ATP10A: variants seen among roughly 807,000 people sequenced by gnomAD.
ATP10A encodes ATPase phospholipid transporting 10A (putative), also known as phospholipid-transporting ATPase VA.
ATP10A carries 111 observed loss-of-function variants against 147.8 expected under a neutral mutation model. That is an observed-to-expected ratio of 0.75 (90% CI 0.64 to 0.88). The LOEUF is 0.88. Among genes scored for constraint, ATP10A ranks in the 40% least tolerant of loss-of-function variants. ATP10A has a pLI of 0.00. For missense variants in ATP10A, 1,927 were observed against 1,959.0 expected, an observed-to-expected ratio of 0.98 and a Z score of 0.31; for synonymous variants, 875 against 841.6, an observed-to-expected ratio of 1.04 and a Z score of -0.69.
At chr15:25,827,134 A>C (rs1275719970) in intron 1 of ATP10A, among the ~76,000 whole-genome samples, 1 of 152,226 alleles carries the variant, frequency 6.6e-6, no homozygotes, top group Non-Finnish European at 1.5e-5. Flanking sequence ...AAAGTGCTGA[A>C]ATAAAGACTG....
intron 7 of ATP10A, among the ~76,000 whole-genome samples, chr15:25,718,731 G>A (rs1902013625): frequency 6.6e-6 from 1 of 152,144 alleles, no homozygotes; most frequent in South Asian, 2.1e-4. Context: ...GGGGTAGGGT[G>A]GCAGGTGGCC....
chr15:25,688,103 G>C, intron 15 of ATP10A: 1 of 449,034 alleles, frequency 2.2e-6, no homozygotes, highest in South Asian at 2.5e-5. Context: ...GGTTTAAAAG[G>C]TTTTCTTTTT....
chr15:25,791,150 G>T (rs189414311), intron 1 of ATP10A, among the ~76,000 whole-genome samples: 1 of 145,540 alleles, frequency 6.9e-6, no homozygotes, highest in African/African-American at 2.5e-5. Context: ...GCACGATCTC[G>T]ACTCACTGCA....
rs778064004 is a variant in ATP10A, at chr15:25,708,206, G to A, written c.2439C>T (p.Ile813=). 5.0e-6 allele frequency: 8 copies of A among 1,614,206 alleles called. No homozygotes were observed. The highest frequency in any genetic ancestry group is 2.2e-5 in the East Asian group (1 of 44,866). The change falls in exon 11 of 21, where the codon ATC becomes ATT. Residue 813 remains isoleucine (I), a synonymous_variant. Transcript: ENST00000555815. ...YAAEGLRTLC[I]AKRVLSKEEY... ...AGACACCCCCACTCACTCTCTTGGC[G>A]ATGCACAAGGTGCGCAGGCCTTCCG...
At position 25,791,423 on chromosome 15, in the gene ATP10A, G is replaced by A. The variant is rs1420389024; in HGVS notation, c.450-10200C>T. Among the ~76,000 whole-genome samples the A allele has an allele frequency of 4.6e-5, 7 of 152,240 alleles. No homozygotes were observed. The South Asian group carries it at 8.3e-4, about 18-fold the overall frequency. Reference sequence around the variant, plus strand: ...CTGCTGCCCGTGCTGGAGTGCAGTGGCACAATCTAGCTTACTGCAGTGGCA... The same window carrying A: ...CTGCTGCCCGTGCTGGAGTGCAGTGACACAATCTAGCTTACTGCAGTGGCA... On this transcript the variant is annotated intron_variant, in intron 1 of 20. Coordinates refer to ENST00000555815, the MANE Select transcript of ATP10A (RefSeq NM_024490.4).
At chr15:25,724,922 A>G (rs1902451346) in intron 5 of ATP10A, among the ~76,000 whole-genome samples, 1 of 152,252 alleles carries the variant, frequency 6.6e-6, no homozygotes, top group South Asian at 2.1e-4. Flanking sequence ...AACACAGTAT[A>G]ACCATTATTT....
Position 25,781,114 on chromosome 15 carries a change from T to C in ATP10A, c.559A>G (p.Ser187Gly), listed in dbSNP as rs1889901239. ...FPADILLLSS[S>G]DPDGLCHIET... is the part of the protein sequence containing the mutation. ...ATGTGGCATAGCCCGTCGGGGTCAC[T>C]GGAGGAGAGCAGCAGAATGTCCGCA... Residue 187 changes from serine to glycine, a missense_variant, in exon 2 of 21, where the codon AGT becomes GGT. Physicochemically the swap from Ser to Gly is moderately conservative, Grantham distance 56. Coordinates refer to ENST00000555815, the MANE Select transcript of ATP10A (RefSeq NM_024490.4). The C allele has an allele frequency of 3.1e-6, 5 of 1,614,064 alleles. No homozygotes were observed. The highest frequency in any genetic ancestry group is 3.4e-6 in the Non-Finnish European group (4 of 1,180,044).
chr15:25,861,683 C>G (rs1195042079), intron 1 of ATP10A: 1 of 152,750 alleles, frequency 6.5e-6, no homozygotes, highest in Non-Finnish European at 1.5e-5. Flanking sequence ...CGCTAATGTT[C>G]TATTCAGAAG....
At chr15:25,687,337 A>G (rs1265453931) in intron 16 of ATP10A, among the ~76,000 whole-genome samples, 2 of 152,092 alleles carry the variant, frequency 1.3e-5, no homozygotes, top group Non-Finnish European at 2.9e-5. Flanking sequence ...GCCTGGGAGC[A>G]GGACTGGGTG....
intron 1 of ATP10A, 105 bp from the exon 2 acceptor site, chr15:25,781,328 T>G: frequency 1.0e-6 from 1 of 980,776 alleles, no homozygotes; most frequent in South Asian, 1.6e-5. Context: ...TACATTTGCA[T>G]AGGCTGAAAA....
At position 25,782,869 on chromosome 15, in the gene ATP10A, A is replaced by G. The variant is rs146811996; in HGVS notation, c.450-1646T>C. Among the ~76,000 whole-genome samples the G allele has an allele frequency of 6.4e-3, 975 of 152,210 alleles. 13 individuals carry two copies. Among genetic ancestry groups the G allele is most frequent in the African/African-American group, 0.021 (870 of 41,518 alleles). On this transcript the variant is annotated intron_variant, in intron 1 of 20. Transcript: ENST00000555815. Reference sequence around the variant, plus strand: ...AAACATACCTTGGAGAGGAAATCTCATTGAGAAATCCTCTGGGTTGCCGGG... The same window carrying G: ...AAACATACCTTGGAGAGGAAATCTCGTTGAGAAATCCTCTGGGTTGCCGGG...
chr15:25,852,738 T>C (rs960634837), intron 1 of ATP10A, among the ~76,000 whole-genome samples: 15 of 152,210 alleles, frequency 9.9e-5, no homozygotes, highest in East Asian at 5.8e-4. Context: ...GCCCAGACTA[T>C]GGTGTGTTCT....
chr15:25,746,116 G>A (rs1250584663), intron 2 of ATP10A, among the ~76,000 whole-genome samples: 5 of 152,070 alleles, frequency 3.3e-5, no homozygotes, highest in African/African-American at 9.7e-5. Flanking sequence ...CTATATTGAC[G>A]AGAAGAAAGA....
At chr15:25,709,420 G>C (rs1596728239) in intron 10 of ATP10A, 1 of 152,230 alleles carries the variant, frequency 6.6e-6, no homozygotes, top group Non-Finnish European at 1.5e-5. Context: ...GCCTAACTGA[G>C]GGGTTTTGGA....
At chr15:25,827,800 A>C (rs1009237372) in intron 1 of ATP10A, among the ~76,000 whole-genome samples, 1 of 152,244 alleles carries the variant, frequency 6.6e-6, no homozygotes, top group African/African-American at 2.4e-5. Context: ...CTACCAACTC[A>C]GTAAGTACAT....
chr15:25,745,194 C>T (rs1470193716), intron 2 of ATP10A, among the ~76,000 whole-genome samples: 1 of 151,988 alleles, frequency 6.6e-6, no homozygotes, highest in Non-Finnish European at 1.5e-5. Context: ...GGTGTGATGT[C>T]ACGTGTCTGT....
At chr15:25,784,655 TG>T (rs1890075147) in intron 1 of ATP10A, among the ~76,000 whole-genome samples, 1 of 152,174 alleles carries the variant, frequency 6.6e-6, no homozygotes, top group African/African-American at 2.4e-5. Flanking sequence ...CCAGGTGCAG[TG>T]GCTCACGCCT....
At chr15:25,768,485 A>G (rs1358940158) in intron 2 of ATP10A, among the ~76,000 whole-genome samples, 5 of 151,280 alleles carry the variant, frequency 3.3e-5, no homozygotes, top group Non-Finnish European at 7.4e-5. Context: ...GTCCAGGTCC[A>G]GGTCCCGCCT....
At chr15:25,864,825 T>C (rs28641981), upstream of ATP10A, among the ~76,000 whole-genome samples, 355 of 152,242 alleles carry the variant, frequency 2.3e-3, 2 homozygotes, top group African/African-American at 8.0e-3. Flanking sequence ...GGCTCCGTGT[T>C]TTCCTCTACC....
Sources: gnomAD v4.1 joint callset for allele counts (sites outside exome capture counted in the v4.1 genomes callset) on GRCh38, gnomAD v4.1.1 for gene constraint, MANE v1.5 for transcripts, NCBI Gene and HGNC (gene_info 2026-07-23, HGNC 2026-07-21) for gene names.